PRDM10: variants seen among roughly 807,000 people sequenced by gnomAD.
PRDM10 encodes PR/SET domain 10, also known as PR domain zinc finger protein 10.
In PRDM10, 65 loss-of-function variants were observed where a neutral mutation model predicts 133.1. That is an observed-to-expected ratio of 0.49 (90% CI 0.40 to 0.60). The LOEUF (loss-of-function observed/expected upper bound fraction) is 0.60. Ranked by LOEUF, PRDM10 falls within the 20% of genes least tolerant of loss-of-function variation. The pLI, the probability that PRDM10 is intolerant of heterozygous loss-of-function variation, is 0.00. For synonymous variants in PRDM10, 582 were observed against 580.4 expected (o/e 1.00, Z -0.04); for missense variants, 1,137 against 1,507.1 (o/e 0.75, Z 4.07).
intron 1 of PRDM10, among the ~76,000 whole-genome samples, chr11:129,993,706 G>C (rs191510086): frequency 6.6e-6 from 1 of 151,786 alleles, no homozygotes; most frequent in East Asian, 1.9e-4. Flanking sequence ...GGATGGTCTT[G>C]ATCTCCTGAC....
Position 129,918,421 on chromosome 11 carries a change from A to G in PRDM10, c.2214+118T>C, listed in dbSNP as rs1396692904. On this transcript the variant is annotated intron_variant, in intron 14 of 20. Transcript: ENST00000360871. The surrounding 1 kb of genome is among the most constrained non-coding windows in gnomAD (Gnocchi z 5.3). ...TTTGCCTCTGTTTCTTCCCCTGGAC[A>G]TTGACAAAACCATTGATCGATATAA... 1.6e-5 allele frequency: 20 copies of G among 1,256,766 alleles called. No individual in the cohort carries two copies. The highest frequency in any genetic ancestry group is 1.7e-5 in the Non-Finnish European group (16 of 952,496). 77.9% of individuals were successfully genotyped at this position (1,256,766 alleles called of 1,614,324 possible).
At chr11:130,002,304 G>A (rs887765701) in intron 1 of PRDM10, among the ~76,000 whole-genome samples, 2 of 151,684 alleles carry the variant, frequency 1.3e-5, no homozygotes, top group Non-Finnish European at 2.9e-5. Context: ...CGCGGCCGGC[G>A]GAGCGTGCGA....
Position 129,917,164 on chromosome 11 carries a change from T to C in PRDM10, c.2288A>G (p.Lys763Arg). Residue 763 changes from lysine to arginine, a missense_variant, in exon 15 of 21, where the codon AAA (lysine) becomes AGA (arginine). Physicochemically the swap from Lys to Arg is conservative, Grantham distance 26. Transcript: ENST00000360871. ...CTGACAAAAGTAATCACGATTGGGT[T>C]TTATGATGGGTAGAGTTAACTCTGG... The part of the protein sequence containing the change: ...EVPELTLPII[K>R]PNRDYFCQYC... 6.2e-7 allele frequency: 1 copy of C among 1,613,678 alleles called. No individual in the cohort carries two copies.
intron 1 of PRDM10, among the ~76,000 whole-genome samples, chr11:129,963,191 A>G (rs1300571892): frequency 6.6e-6 from 1 of 151,854 alleles, no homozygotes; most frequent in African/African-American, 2.4e-5. Context: ...CCAATCATCT[A>G]AAGATCTGTA....
In PRDM10 at chr11:129,988,791, A is replaced by G. The variant is rs142536252; in HGVS notation, c.-119+13931T>C. ...ACTACAGGCGTCCGCCACCACACCCAGCTAATTTTTCGTATTTTTAACAGA... is the reference window on the plus strand; with the variant it reads ...ACTACAGGCGTCCGCCACCACACCCGGCTAATTTTTCGTATTTTTAACAGA... On this transcript the variant is annotated intron_variant, in intron 1 of 20. Coordinates refer to ENST00000360871, the MANE Select transcript of PRDM10 (RefSeq NM_199437.2). 2.2e-3 allele frequency among the ~76,000 whole-genome samples: 336 copies of G among 151,722 alleles called. 1 individual carries two copies. Among genetic ancestry groups the G allele is most frequent in the African/African-American group, 6.9e-3 (286 of 41,404 alleles).
chr11:129,920,415 C>A (rs535535501), intron 13 of PRDM10, among the ~76,000 whole-genome samples: 31 of 152,300 alleles, frequency 2.0e-4, no homozygotes, highest in African/African-American at 7.5e-4. Context: ...GCTGTCCACC[C>A]TTCCCCCTTC....
chr11:129,971,146 G>A (rs758454540), intron 1 of PRDM10, among the ~76,000 whole-genome samples: 25 of 152,238 alleles, frequency 1.6e-4, no homozygotes, highest in Admixed American at 1.6e-3. Context: ...AAACCTTCGC[G>A]GTGAGTGTTA....
chr11:129,968,999 C>T (rs2135941547), intron 1 of PRDM10, among the ~76,000 whole-genome samples: 1 of 152,282 alleles, frequency 6.6e-6, no homozygotes, highest in South Asian at 2.1e-4. Flanking sequence ...GTGTAAATAG[C>T]AGATGCCAGG....
intron 15 of PRDM10, 25 bp from the exon 16 acceptor site, chr11:129,915,885 G>A: frequency 6.2e-7 from 1 of 1,606,930 alleles, no homozygotes; most frequent in Non-Finnish European, 8.5e-7. Context: ...GCCTTGCCAT[G>A]AAAGCAGTAT....
rs757411284 is a variant in PRDM10, at chr11:129,931,197, C to T, written c.1349G>A (p.Gly450Glu). The T allele has an allele frequency of 1.2e-6, 2 of 1,614,042 alleles. No individual in the cohort carries two copies. The highest frequency in any genetic ancestry group is 1.3e-5 in the African/African-American group (1 of 74,938). Residue 450 changes from glycine to glutamate, a missense_variant, in exon 11 of 21, where the codon GGG becomes GAG. This residue lies in a region of PRDM10 where 635 missense variants were observed against 835.2 expected (regional missense o/e 0.76). Transcript: ENST00000360871. ...FDEAEPATLN[G>E]LDQPEQTTIP... ...AGTGGTCTGTTCTGGTTGATCCAGC[C>T]CATTCAGAGTGGCTGGTTCAGCCTC...
At chr11:129,912,023 A>T in intron 18 of PRDM10, 62 bp downstream of exon 18, 4 of 1,475,058 alleles carry the variant, frequency 2.7e-6, no homozygotes, top group Non-Finnish European at 2.7e-6. Context: ...CTTCCCTCTC[A>T]TTAACTCTGA....
intron 1 of PRDM10, among the ~76,000 whole-genome samples, chr11:129,965,536 C>T (rs1951889103): frequency 1.3e-5 from 2 of 152,130 alleles, no homozygotes; most frequent in South Asian, 4.2e-4. Context: ...TGGACAGCCA[C>T]AGCTATACCT....
intron 1 of PRDM10, among the ~76,000 whole-genome samples, chr11:129,963,243 C>T (rs1951830734): frequency 1.3e-5 from 2 of 151,186 alleles, no homozygotes; most frequent in Non-Finnish European, 2.9e-5. Flanking sequence ...ATAAAAGGCT[C>T]AGTAATTACA....
chr11:129,923,720 A>C lies in PRDM10; in HGVS notation c.1879-317T>G, dbSNP rs1234766314. 7.0e-6 allele frequency among the ~76,000 whole-genome samples: 1 copy of C among 143,632 alleles called. No individual in the cohort carries two copies. Among genetic ancestry groups the C allele is most frequent in the Non-Finnish European group, 1.5e-5 (1 of 66,914 alleles). The allele number at this position is 143,632 out of a possible 152,430, so 94.2% of individuals were successfully genotyped here. ...TGCTTGCTTGGTCAAAGCCCTGATC[A>C]CTTGAAGCCCATTTTTTAAAGATAA... is the stretch of plus-strand genomic sequence containing the variant. On this transcript the variant is annotated intron_variant, in intron 12 of 20. Coordinates refer to ENST00000360871, the MANE Select transcript of PRDM10 (RefSeq NM_199437.2). This position sits in a 1 kb window ranked among gnomAD's most constrained non-coding sequence, Gnocchi z 4.4.
intron 1 of PRDM10, among the ~76,000 whole-genome samples, chr11:129,989,161 G>A (rs528277900): frequency 4.2e-4 from 64 of 151,768 alleles, no homozygotes; most frequent in African/African-American, 1.5e-3. Flanking sequence ...CAAATTCCAG[G>A]CCAGCACAGT....
intron 2 of PRDM10, among the ~76,000 whole-genome samples, chr11:129,960,211 A>G (rs1951770258): frequency 6.6e-6 from 1 of 152,208 alleles, no homozygotes. Flanking sequence ...TTAATGAAAC[A>G]TTACACGTGT....
intron 5 of PRDM10, among the ~76,000 whole-genome samples, chr11:129,946,647 G>A (rs79213890): frequency 0.023 from 3,468 of 152,262 alleles, 129 homozygotes; most frequent in African/African-American, 0.077. Context: ...GCACAGCCCT[G>A]GGAAAGCTAC....
chr11:129,914,565 A>AG, intron 17 of PRDM10, 139 bp downstream of exon 17: 1 of 1,133,400 alleles, frequency 8.8e-7, no homozygotes, highest in Non-Finnish European at 1.3e-6. Context: ...TGAAAGGGGA[A>AG]GGGGCAGTTG....
At chr11:129,915,040 C>A (rs1312652303) in intron 16 of PRDM10, 22 bp from the exon 17 acceptor site, 4 of 1,555,968 alleles carry the variant, frequency 2.6e-6, no homozygotes, top group East Asian at 2.3e-5. Flanking sequence ...AGGCAAAAAA[C>A]AAGAATAATT....
Sources: allele counts gnomAD v4.1 joint callset (sites outside exome capture counted in the v4.1 genomes callset), GRCh38; gene constraint gnomAD v4.1.1; regional missense constraint gnomAD v4.1.1; non-coding constraint Gnocchi (gnomAD v3.1); transcripts MANE v1.5; gene names NCBI Gene and HGNC (gene_info 2026-07-23, HGNC 2026-07-21).